CLU: variants seen among roughly 807,000 people sequenced by gnomAD.
The protein encoded by CLU is aging-associated protein 4.
Under a neutral mutation model 46.4 loss-of-function variants are expected in CLU, and 25 were observed. The ratio of observed to expected loss-of-function variants is 0.54; its 90% confidence interval spans 0.39 to 0.75. CLU has a LOEUF of 0.75. Ranked by LOEUF, CLU falls within the 30% of genes least tolerant of loss-of-function variation. The pLI is 0.00. For missense variants in CLU, 504 were observed against 592.1 expected (o/e 0.85, Z 1.54); for synonymous variants, 235 against 235.1 (o/e 1.00, Z 0.00).
intron 8 of CLU, 26 bp downstream of exon 8, chr8:27,598,434 C>T (rs1447855423): frequency 1.9e-6 from 3 of 1,613,492 alleles, no homozygotes; most frequent in African/African-American, 2.7e-5. Flanking sequence ...GCCCTGCAGG[C>T]CCGCAGGAAA....
At chr8:27,612,622 G>T (rs1158915239) in intron 1 of CLU, among the ~76,000 whole-genome samples, 1 of 152,040 alleles carries the variant, frequency 6.6e-6, no homozygotes, top group Non-Finnish European at 1.5e-5. Flanking sequence ...TTATAATGTT[G>T]GTTCTGAGAC....
chr8:27,611,299 A>C, intron 1 of CLU: 1 of 455,030 alleles, frequency 2.2e-6, no homozygotes, highest in Non-Finnish European at 4.4e-6. Context: ...CGGAGAGTAG[A>C]GAGGGTTCGC....
intron 3 of CLU, 143 bp from the exon 4 acceptor site, chr8:27,606,667 C>T: frequency 2.2e-6 from 2 of 899,034 alleles, no homozygotes; most frequent in Non-Finnish European, 1.8e-6. Context: ...TACCCTTGCT[C>T]CAGTTCAAGC....
intron 6 of CLU, among the ~76,000 whole-genome samples, chr8:27,601,247 C>A (rs1800716463): frequency 5.9e-5 from 9 of 152,236 alleles, no homozygotes; most frequent in Admixed American, 5.9e-4. Context: ...GACAGGGTTT[C>A]ACCATGTTGG....
chr8:27,605,665 A>G (rs114294716), intron 4 of CLU, among the ~76,000 whole-genome samples: 1,587 of 152,354 alleles, frequency 0.01, 33 homozygotes, highest in African/African-American at 0.037. Context: ...ATGTGACTTC[A>G]GGGATTGGAG....
intron 1 of CLU, among the ~76,000 whole-genome samples, chr8:27,612,351 G>A (rs1800943968): frequency 6.6e-6 from 1 of 152,156 alleles, no homozygotes; most frequent in Admixed American, 6.5e-5. Context: ...CTGTAAAATG[G>A]ATCTAATCCA....
chr8:27,597,993 C>T lies in CLU; in HGVS notation c.*248G>A, dbSNP rs1438231454. 2.9e-6 allele frequency: 2 copies of T among 678,660 alleles called. No individual in the cohort carries two copies. The highest frequency in any genetic ancestry group is 3.0e-5 in the South Asian group (2 of 66,478). The allele number at this position is 678,660 out of a possible 1,614,324, so 42.0% of individuals were successfully genotyped here. A position where few individuals can be genotyped will look rare whatever the true frequency, so the allele number is the denominator to read the frequency against. ...CAACATAAAAAGAGGACCCTCCAAG[C>T]GATCAGCTCACAAGACAGTTTTATT... On this transcript the variant is annotated 3_prime_UTR_variant, in exon 9 of 9. Coordinates refer to ENST00000316403, the MANE Select transcript of CLU (RefSeq NM_001831.4).
chr8:27,611,778 T>A (rs767520585), intron 1 of CLU: 3 of 456,920 alleles, frequency 6.6e-6, no homozygotes, highest in African/African-American at 6.0e-5. Context: ...GGAGAAGAGA[T>A]GGGGTCAGCG....
chr8:27,608,561 C>T, intron 3 of CLU: 1 of 414,972 alleles, frequency 2.4e-6, no homozygotes, highest in East Asian at 5.3e-5. Flanking sequence ...CCTGCCTTAA[C>T]CCTAACCATA....
At chr8:27,604,536 A>G (rs367593380) in intron 5 of CLU, 141 bp from the exon 6 acceptor site, 2 of 783,586 alleles carry the variant, frequency 2.6e-6, no homozygotes, top group Non-Finnish European at 4.3e-6. Context: ...GCAATGGTGC[A>G]ATCATAGCTC....
chr8:27,599,091 C>T lies in CLU; in HGVS notation c.1165-456G>A, dbSNP rs1800670328. 1 of 152,956 alleles carries T rather than the reference C, an allele frequency of 6.5e-6. No homozygotes were observed. Among genetic ancestry groups the T allele is most frequent in the Admixed American group, 6.5e-5 (1 of 15,286 alleles). 9.5% of individuals were successfully genotyped at this position (152,956 alleles called of 1,614,324 possible). ...AGAGACAGAGTCTCACTCTGTCACCCAGGCTGGAGTGCAGTGGCGTGATCA... is the reference window on the plus strand; with the variant it reads ...AGAGACAGAGTCTCACTCTGTCACCTAGGCTGGAGTGCAGTGGCGTGATCA... On this transcript the variant is annotated intron_variant, in intron 7 of 8. Coordinates refer to ENST00000316403, the MANE Select transcript of CLU (RefSeq NM_001831.4). This position sits in a 1 kb window ranked among gnomAD's most constrained non-coding sequence, Gnocchi z 4.0.
chr8:27,611,116 G>A (rs1431486097), intron 1 of CLU: 1 of 437,154 alleles, frequency 2.3e-6, no homozygotes, highest in Admixed American at 2.4e-5. Flanking sequence ...TCACCACAGC[G>A]CTGCAGCCCC....
chr8:27,611,688 A>G (rs1299715838), intron 1 of CLU: 3 of 457,724 alleles, frequency 6.6e-6, no homozygotes, highest in South Asian at 1.5e-5. Flanking sequence ...CAGCAGGCCC[A>G]TCTGGACACT....
chr8:27,610,460 G>A lies in CLU; in HGVS notation c.97+15C>T, dbSNP rs776535489. 7 of 1,604,116 alleles carry A rather than the reference G, an allele frequency of 4.4e-6. No homozygotes were observed. Among genetic ancestry groups the A allele is most frequent in the East Asian group, 4.5e-5 (2 of 44,844 alleles). ...CACCCTGTGGCCAGAGGAACATCAT[G>A]CTTGGTCTACTCACCCTGGAGCTCA... On this transcript the variant is annotated intron_variant, in intron 2 of 8. Coordinates refer to ENST00000316403, the MANE Select transcript of CLU (RefSeq NM_001831.4).
chr8:27,596,940 TAATGTGAC>T lies in CLU; in HGVS notation c.*1293_*1300del, dbSNP rs1161775224. On this transcript the variant is annotated 3_prime_UTR_variant, in exon 9 of 9. Transcript: ENST00000316403. Reference sequence around the variant, plus strand: ...AGTAACTTTTGAAACAGTGTGACATTAATGTGACAATGTGACATATACTTTACAATTAT... The same window carrying T: ...AGTAACTTTTGAAACAGTGTGACATTAATGTGACATATACTTTACAATTAT... The T allele has an allele frequency of 4.6e-5, 21 of 452,348 alleles. No homozygotes were observed. Among genetic ancestry groups the T allele is most frequent in the Admixed American group, 4.0e-4 (17 of 42,450 alleles). The allele number at this position is 452,348 out of a possible 1,614,324, so 28.0% of individuals were successfully genotyped here.
chr8:27,602,007 C>G (rs1800730248), intron 6 of CLU, among the ~76,000 whole-genome samples: 1 of 152,160 alleles, frequency 6.6e-6, no homozygotes, highest in Non-Finnish European at 1.5e-5. Flanking sequence ...AGGAGAATCG[C>G]TTGAACCCAG....
Position 27,597,628 on chromosome 8 carries a change from A to ACTTACTGAT in CLU, c.*604_*612dup, listed in dbSNP as rs1224911667. On this transcript the variant is annotated 3_prime_UTR_variant, in exon 9 of 9. Transcript: ENST00000316403. ...CATTATAATACCAAGTACACCTTAC[A>ACTTACTGAT]CTTACTGATTCTTCTCCTTAACTTT... is the stretch of plus-strand genomic sequence containing the variant. The ACTTACTGAT allele has an allele frequency of 6.6e-6, 3 of 454,040 alleles. No homozygotes were observed. The highest frequency in any genetic ancestry group is 1.3e-5 in the Non-Finnish European group (3 of 226,808). 28.1% of individuals were successfully genotyped at this position (454,040 alleles called of 1,614,324 possible).
At chr8:27,605,561 G>T (rs1055925793) in intron 4 of CLU, among the ~76,000 whole-genome samples, 2 of 152,172 alleles carry the variant, frequency 1.3e-5, no homozygotes, top group African/African-American at 4.8e-5. Flanking sequence ...CACCTGGGAG[G>T]CCCCAAAAGT....
Position 27,608,536 on chromosome 8 carries a change from G to A in CLU, c.246+402C>T, listed in dbSNP as rs117620140. The A allele has an allele frequency of 8.8e-4, 303 of 342,896 alleles. 1 individual carries two copies. The East Asian group carries it at 0.014, about 16-fold the overall frequency. The allele number at this position is 342,896 out of a possible 1,614,324, so 21.2% of individuals were successfully genotyped here. On this transcript the variant is annotated intron_variant, in intron 3 of 8. Transcript: ENST00000316403. Reference sequence around the variant, plus strand: ...AAGTAGTCCAGAACTCTAGCAAGACGTGGGGTGCTGTGTGCCTGCCTTAAC... The same window carrying A: ...AAGTAGTCCAGAACTCTAGCAAGACATGGGGTGCTGTGTGCCTGCCTTAAC...
Sources: allele counts gnomAD v4.1 joint callset (sites outside exome capture counted in the v4.1 genomes callset), GRCh38; gene constraint gnomAD v4.1.1; non-coding constraint Gnocchi (gnomAD v3.1); transcripts MANE v1.5; gene names NCBI Gene and HGNC (gene_info 2026-07-23, HGNC 2026-07-21).